Variants in TK1 observed in about 807,000 individuals in gnomAD.
The protein encoded by TK1 is thymidine kinase, cytosolic.
TK1 carries 13 observed loss-of-function variants against 22.4 expected under a neutral mutation model. The observed-to-expected ratio is 0.58, with a 90% CI of 0.38 to 0.92. The LOEUF (loss-of-function observed/expected upper bound fraction) is 0.92, where lower values mean the gene tolerates loss of function less well. TK1 is among the 40% of genes least tolerant of loss of function. The probability of loss-of-function intolerance (pLI) is 0.00; values close to 1 mark genes in which losing one functional copy is unlikely to be tolerated. For synonymous variants in TK1, 134 were observed against 125.4 expected, an observed-to-expected ratio of 1.07 and a Z score of -0.46; for missense variants, 251 against 315.7, an observed-to-expected ratio of 0.80 and a Z score of 1.55.
intron 4 of TK1, 100 bp downstream of exon 4, chr17:78,182,489 A>AT: frequency 1.1e-6 from 1 of 930,540 alleles, no homozygotes; most frequent in Non-Finnish European, 1.6e-6. Context: ...TAACCTTGTT[A>AT]TTTTACTAAA....
In TK1 at chr17:78,174,892, T is replaced by C. The variant is rs552602084; in HGVS notation, c.572A>G (p.Lys191Arg). The change falls in exon 7 of 7, where the codon AAG (lysine) becomes AGG (arginine). Residue 191 changes from lysine (K) to arginine (R), a missense_variant. Transcript: ENST00000301634. Reference protein sequence around the residue: ...YHSVCRLCYFKKASGQPAGPD... With the variant: ...YHSVCRLCYFRKASGQPAGPD... ...CCCGGCAGGCTGGCCTGAGGCCTTC[T>C]TGAAGTAGCAGAGCCGACACACGGA... The C allele has an allele frequency of 3.1e-6, 5 of 1,613,980 alleles. No individual in the cohort carries two copies. The highest frequency in any genetic ancestry group is 3.4e-6 in the Non-Finnish European group (4 of 1,179,872).
chr17:78,179,781 T>A (rs2075726041), intron 4 of TK1: 2 of 983,640 alleles, frequency 2.0e-6, no homozygotes, highest in Admixed American at 6.1e-5. Flanking sequence ...AGAACTAGAC[T>A]AAGTGTGGCC....
chr17:78,181,463 G>A (rs111335728), intron 4 of TK1, among the ~76,000 whole-genome samples: 10,355 of 150,906 alleles, frequency 0.069, 440 homozygotes, highest in South Asian at 0.13. Flanking sequence ...GCTTGAATCC[G>A]GGTGGCAGAG....
At chr17:78,181,932 T>G (rs1010297436) in intron 4 of TK1, among the ~76,000 whole-genome samples, 3 of 151,878 alleles carry the variant, frequency 2.0e-5, no homozygotes, top group South Asian at 2.1e-4. Context: ...TTTCTTTTTT[T>G]TTTTGGTAGA....
intron 3 of TK1, among the ~76,000 whole-genome samples, chr17:78,184,631 C>A (rs986654885): frequency 1.3e-5 from 2 of 152,156 alleles, no homozygotes; most frequent in African/African-American, 4.8e-5. Context: ...CAGTCTGCAG[C>A]CTGTGTGAAG....
At chr17:78,175,382 G>T in intron 5 of TK1, 147 bp downstream of exon 5, 1 of 1,037,312 alleles carries the variant, frequency 9.6e-7, no homozygotes, top group Non-Finnish European at 1.4e-6. Context: ...AGACCATGGA[G>T]TCCCTTGGCT....
Position 78,174,163 on chromosome 17 carries a change from T to G in TK1, c.*596A>C, listed in dbSNP as rs1327275586. The G allele has an allele frequency of 6.5e-6, 1 of 152,794 alleles. No individual in the cohort carries two copies. Among genetic ancestry groups the G allele is most frequent in the Admixed American group, 6.5e-5 (1 of 15,324 alleles). The allele number at this position is 152,794 out of a possible 1,614,324, so 9.5% of individuals were successfully genotyped here. The stretch of plus-strand genomic sequence containing the variant: ...CCTGCCCTCTCCACACTTGAAGAGA[T>G]AAGCCCCTGGGATCCAAGTCCCAGC... On this transcript the variant is annotated 3_prime_UTR_variant, in exon 7 of 7. Coordinates refer to ENST00000301634, the MANE Select transcript of TK1 (RefSeq NM_003258.5).
intron 4 of TK1, 110 bp from the exon 5 acceptor site, chr17:78,175,728 G>A: frequency 1.0e-6 from 1 of 957,106 alleles, no homozygotes; most frequent in Non-Finnish European, 1.6e-6. Flanking sequence ...ATTTGGCCCG[G>A]AGTAACTCTT....
intron 4 of TK1, among the ~76,000 whole-genome samples, chr17:78,178,732 C>T (rs867270199): frequency 3.3e-5 from 5 of 152,328 alleles, no homozygotes; most frequent in Middle Eastern, 3.4e-3. Context: ...GCAACCTTCG[C>T]CTACCGGGTT....
intron 4 of TK1, among the ~76,000 whole-genome samples, chr17:78,177,685 T>C (rs1021096267): frequency 1.4e-4 from 21 of 151,920 alleles, no homozygotes; most frequent in African/African-American, 4.4e-4. Context: ...GCCACTCTCC[T>C]GCCTCAGCCT....
At chr17:78,175,463 C>T (rs2075691995) in intron 5 of TK1, 66 bp downstream of exon 5, 1 of 1,487,696 alleles carries the variant, frequency 6.7e-7, no homozygotes, top group Non-Finnish European at 9.2e-7. Context: ...GCTGGTGTCT[C>T]TGTGCCCATC....
intron 4 of TK1, among the ~76,000 whole-genome samples, chr17:78,176,321 C>T (rs1452125817): frequency 6.6e-6 from 1 of 152,096 alleles, no homozygotes; most frequent in Non-Finnish European, 1.5e-5. Context: ...AATCATATCA[C>T]TCTTAGCTGG....
Position 78,174,666 on chromosome 17 carries a change from C to T in TK1, c.*93G>A, listed in dbSNP as rs1052931. 1 of 1,423,912 alleles carries T rather than the reference C, an allele frequency of 7.0e-7. No homozygotes were observed. Among genetic ancestry groups the T allele is most frequent in the South Asian group, 1.4e-5 (1 of 69,500 alleles). The allele number at this position is 1,423,912 out of a possible 1,614,324, so 88.2% of individuals were successfully genotyped here. On this transcript the variant is annotated 3_prime_UTR_variant, in exon 7 of 7. Coordinates refer to ENST00000301634, the MANE Select transcript of TK1 (RefSeq NM_003258.5). ...CAAGGTGTGGTCACCCTCCACGCCT[C>T]CCGACTTCCTCCTGGAGTGGCTGGG...
intron 3 of TK1, among the ~76,000 whole-genome samples, chr17:78,184,612 A>C (rs943920871): frequency 6.6e-6 from 1 of 152,218 alleles, no homozygotes; most frequent in African/African-American, 2.4e-5. Context: ...CGTGCAGGCC[A>C]AACCAAACCA....
At chr17:78,179,548 C>T (rs1163314492) in intron 4 of TK1, 25 of 985,416 alleles carry the variant, frequency 2.5e-5, no homozygotes, top group Non-Finnish European at 2.9e-5. Context: ...GGAAGGGACC[C>T]GTCAGCCTCC....
rs536867875 is a variant in TK1 at position 78,185,280 on chromosome 17, C to T, written c.99-115G>A. ...CCTAGTGGTATGCAGACTGAGCCCACCACAGCCAGAAAAGAGCAGGGCAGA... is the reference window on the plus strand; with the variant it reads ...CCTAGTGGTATGCAGACTGAGCCCATCACAGCCAGAAAAGAGCAGGGCAGA... On this transcript the variant is annotated intron_variant, in intron 2 of 6. Transcript: ENST00000301634. 19 of 724,686 alleles carry T rather than the reference C, an allele frequency of 2.6e-5. No homozygotes were observed. In the East Asian group the frequency reaches 4.3e-4, roughly 16 times the overall value. The allele number at this position is 724,686 out of a possible 1,614,324, so 44.9% of individuals were successfully genotyped here.
At chr17:78,177,037 C>T (rs1055379267) in intron 4 of TK1, among the ~76,000 whole-genome samples, 3 of 152,196 alleles carry the variant, frequency 2.0e-5, no homozygotes, top group Non-Finnish European at 4.4e-5. Context: ...AGCCCCCACT[C>T]ACTCCACCTC....
In TK1 at chr17:78,174,921, G is replaced by T; in HGVS notation, c.543C>A (p.Tyr181Ter). 1 of 1,613,852 alleles carries T rather than the reference G, an allele frequency of 6.2e-7. No individual in the cohort carries two copies. Among genetic ancestry groups the T allele is most frequent in the Non-Finnish European group, 8.5e-7 (1 of 1,179,838 alleles). The change falls in exon 7 of 7, where the codon TAC becomes TAA. Residue 181 changes from tyrosine (Y) to a stop codon, truncating the protein, a stop_gained. Transcript: ENST00000301634. LOFTEE classifies it low-confidence loss of function (END_TRUNC). ...EVEVIGGADKYHSVCRLCYFK... is the reference protein window; with the variant it reads ...EVEVIGGADK ...AGTAGCAGAGCCGACACACGGAGTG[G>T]TACTTGTCTGCTCCCCCAATCACCT...
intron 3 of TK1, among the ~76,000 whole-genome samples, chr17:78,183,483 A>G (rs908017591): frequency 3.3e-5 from 5 of 152,162 alleles, no homozygotes; most frequent in Non-Finnish European, 7.3e-5. Flanking sequence ...ACTTGAACTC[A>G]GGAGTTCGAG....
Sources: allele counts gnomAD v4.1 joint callset (sites outside exome capture counted in the v4.1 genomes callset), GRCh38; gene constraint gnomAD v4.1.1; transcripts MANE v1.5; gene names NCBI Gene and HGNC (gene_info 2026-07-23, HGNC 2026-07-21).